RBM28: variants seen among roughly 807,000 people sequenced by gnomAD.
RBM28 encodes RNA-binding protein 28.
A neutral mutation model predicts 98.3 loss-of-function variants in RBM28; 78 were observed. The observed-to-expected ratio is 0.79, with a 90% CI of 0.66 to 0.96. The LOEUF is 0.96. Ranked by LOEUF, RBM28 falls within the 40% of genes least tolerant of loss-of-function variation. The probability of loss-of-function intolerance (pLI) is 0.00; values close to 1 mark genes in which losing one functional copy is unlikely to be tolerated. For missense variants in RBM28, 838 were observed against 913.0 expected, an observed-to-expected ratio of 0.92 and a Z score of 1.06; for synonymous variants, 306 against 330.9, an observed-to-expected ratio of 0.92 and a Z score of 0.82.
chr7:128,317,819 C>A, intron 15 of RBM28, 86 bp from the exon 16 acceptor site: 1 of 1,499,792 alleles, frequency 6.7e-7, no homozygotes, highest in South Asian at 1.1e-5. Flanking sequence ...ACACATCCTC[C>A]CCCAACCCAC....
Position 128,338,725 on chromosome 7 carries a change from C to T in RBM28, c.448+1G>A. 6.3e-7 allele frequency: 1 copy of T among 1,580,554 alleles called. No individual in the cohort carries two copies. The highest frequency in any genetic ancestry group is 1.3e-5 in the African/African-American group (1 of 74,260). On this transcript the variant is annotated splice_donor_variant, in intron 4 of 18. Transcript: ENST00000223073. LOFTEE classifies it high-confidence loss of function. The stretch of plus-strand genomic sequence containing the variant: ...CACACCAAGTGAAGGTTTATTAGTA[C>T]CTGGTTTCCTAGGGATATTTACTTC...
At position 128,317,643 on chromosome 7, in the gene RBM28, CATTTA is replaced by C; in HGVS notation, c.1788+11_1788+15del. 6.4e-7 allele frequency: 1 copy of C among 1,554,414 alleles called. No individual in the cohort carries two copies. The highest frequency in any genetic ancestry group is 1.1e-5 in the South Asian group (1 of 89,854). On this transcript the variant is annotated intron_variant, in intron 16 of 18. Transcript: ENST00000223073. ...AGTTTATGTCCTTAAAAATATGGAC[CATTTA>C]ATTTCTGTACCAAGCTGCGCTGGAT...
rs977996535 is a variant in RBM28, at chr7:128,302,107, A to G, written c.*8690T>C. On this transcript the variant is annotated 3_prime_UTR_variant, in exon 19 of 19. Transcript: ENST00000223073. ...CGATCATCCTCAGCACATGCCTGACACATAGTAGGTGCTCAGTAATTGTTA... is the reference window on the plus strand; with the variant it reads ...CGATCATCCTCAGCACATGCCTGACGCATAGTAGGTGCTCAGTAATTGTTA... The G allele has an allele frequency of 2.0e-5, 3 of 152,218 alleles. No individual in the cohort carries two copies. The East Asian group carries it at 5.8e-4, about 29-fold the overall frequency. 9.4% of individuals were successfully genotyped at this position (152,218 alleles called of 1,614,324 possible).
At chr7:128,314,153 G>A (rs911222495) in intron 17 of RBM28, among the ~76,000 whole-genome samples, 3 of 151,982 alleles carry the variant, frequency 2.0e-5, no homozygotes, top group Non-Finnish European at 4.4e-5. Context: ...TAGTAGAGAC[G>A]GGGTTTCAGC....
At chr7:128,342,083 C>T (rs1796737116) in intron 1 of RBM28, among the ~76,000 whole-genome samples, 1 of 151,842 alleles carries the variant, frequency 6.6e-6, no homozygotes, top group Admixed American at 6.6e-5. Flanking sequence ...TGCTTGAGCC[C>T]AGGAGTTTAA....
At chr7:128,315,712 G>GA (rs879497690) in intron 16 of RBM28, among the ~76,000 whole-genome samples, 29 of 150,776 alleles carry the variant, frequency 1.9e-4, no homozygotes, top group East Asian at 3.9e-4. Flanking sequence ...ATTTTTAAAA[G>GA]AAAAAAAAAT....
intron 10 of RBM28, among the ~76,000 whole-genome samples, chr7:128,328,873 A>C (rs1478217238): frequency 3.3e-5 from 5 of 152,162 alleles, no homozygotes; most frequent in African/African-American, 4.8e-5. Flanking sequence ...TTTGCCAAAA[A>C]TCACCCAGTC....
intron 17 of RBM28, among the ~76,000 whole-genome samples, chr7:128,314,108 G>A (rs180734196): frequency 0.024 from 3,586 of 152,080 alleles, 136 homozygotes; most frequent in African/African-American, 0.08. Context: ...GACTACAGGC[G>A]CCCGCCACCG....
Position 128,326,011 on chromosome 7 carries a change from G to A in RBM28, c.1130-120C>T, listed in dbSNP as rs1309116501. 5 of 809,094 alleles carry A rather than the reference G, an allele frequency of 6.2e-6. No homozygotes were observed. In the East Asian group the frequency reaches 1.0e-4, roughly 17 times the overall value. 50.1% of individuals were successfully genotyped at this position (809,094 alleles called of 1,614,324 possible). On this transcript the variant is annotated intron_variant, in intron 10 of 18. Transcript: ENST00000223073. ...GGGATAGGTGGCATCCATTTATTAAGTACAGCCATGTAGCCGGGTGCAGTG... is the reference window on the plus strand; with the variant it reads ...GGGATAGGTGGCATCCATTTATTAAATACAGCCATGTAGCCGGGTGCAGTG...
At chr7:128,343,643 C>G in intron 1 of RBM28, 33 bp downstream of exon 1, 1 of 1,552,412 alleles carries the variant, frequency 6.4e-7, no homozygotes. Context: ...TCGCAGGAAA[C>G]CCCAGCCCTA....
rs369440306 is a variant in RBM28, at chr7:128,323,473, T to C, written c.1404+54A>G. ...CACATCTAGCATTCGATAACTATTT[T>C]TGATTGATTTATAGGCCACGCAGAA... On this transcript the variant is annotated intron_variant, in intron 13 of 18. Coordinates refer to ENST00000223073, the MANE Select transcript of RBM28 (RefSeq NM_018077.3). 2.6e-4 allele frequency: 422 copies of C among 1,594,086 alleles called. 1 individual carries two copies. The African/African-American group carries it at 5.4e-3, about 20-fold the overall frequency.
rs1009658034 is a variant in RBM28 at position 128,305,429 on chromosome 7, G to C, written c.*5368C>G. 6.6e-6 allele frequency: 1 copy of C among 152,210 alleles called. No homozygotes were observed. The highest frequency in any genetic ancestry group is 1.5e-5 in the Non-Finnish European group (1 of 68,068). The allele number at this position is 152,210 out of a possible 1,614,324, so 9.4% of individuals were successfully genotyped here. A position where few individuals can be genotyped will look rare whatever the true frequency, so the allele number is the denominator to read the frequency against. On this transcript the variant is annotated 3_prime_UTR_variant, in exon 19 of 19. Transcript: ENST00000223073. ...TCAGATCCAGGGGAGAGGAAAAGGC[G>C]GCAGAGAACTAGGGAGACAGGTCGA...
In RBM28 at chr7:128,310,044, G is replaced by T. The variant is rs1795947555; in HGVS notation, c.*753C>A. 6.6e-6 allele frequency: 1 copy of T among 152,324 alleles called. No homozygotes were observed. Among genetic ancestry groups the T allele is most frequent in the Non-Finnish European group, 1.5e-5 (1 of 68,150 alleles). 9.4% of individuals were successfully genotyped at this position (152,324 alleles called of 1,614,324 possible). ...CATCTTAAGGGGCAGACTTAATGAG[G>T]ATCAAGTGTCCTCATTAAGGAGGAC... On this transcript the variant is annotated 3_prime_UTR_variant, in exon 19 of 19. Coordinates refer to ENST00000223073, the MANE Select transcript of RBM28 (RefSeq NM_018077.3).
Position 128,306,415 on chromosome 7 carries a change from G to T in RBM28, c.*4382C>A, listed in dbSNP as rs546758303. The T allele has an allele frequency of 2.0e-5, 3 of 152,334 alleles. No homozygotes were observed. Among genetic ancestry groups the T allele is most frequent in the African/African-American group, 7.2e-5 (3 of 41,572 alleles). The allele number at this position is 152,334 out of a possible 1,614,324, so 9.4% of individuals were successfully genotyped here. A position where few individuals can be genotyped will look rare whatever the true frequency, so the allele number is the denominator to read the frequency against. On this transcript the variant is annotated 3_prime_UTR_variant, in exon 19 of 19. Coordinates refer to ENST00000223073, the MANE Select transcript of RBM28 (RefSeq NM_018077.3). ...GAAATGACTCTGTTGTCCTTCACAAGCCCAGCTAGGCCCTGGAACAAATGG... is the reference window on the plus strand; with the variant it reads ...GAAATGACTCTGTTGTCCTTCACAATCCCAGCTAGGCCCTGGAACAAATGG...
chr7:128,337,508 C>G (rs548129099), intron 5 of RBM28, among the ~76,000 whole-genome samples: 1 of 151,522 alleles, frequency 6.6e-6, no homozygotes, highest in South Asian at 2.1e-4. Flanking sequence ...AACAGGCATT[C>G]TGGAATCATC....
Position 128,325,805 on chromosome 7 carries a change from A to G in RBM28, c.1203+13T>C. ...CCTCCTGTGTTATAAGGTAAAGGAA[A>G]TATCTTCCTTACCTCATTCTCTGGA... On this transcript the variant is annotated intron_variant, in intron 11 of 18. Transcript: ENST00000223073. 6.2e-7 allele frequency: 1 copy of G among 1,603,956 alleles called. No individual in the cohort carries two copies. Among genetic ancestry groups the G allele is most frequent in the Non-Finnish European group, 8.5e-7 (1 of 1,171,132 alleles).
chr7:128,335,093 A>C (rs1446829955), intron 8 of RBM28, among the ~76,000 whole-genome samples: 1 of 152,216 alleles, frequency 6.6e-6, no homozygotes, highest in Non-Finnish European at 1.5e-5. Context: ...GTATTTTGTT[A>C]TGTCAGTCCA....
chr7:128,340,978 T>C lies in RBM28; in HGVS notation c.119-1187A>G, dbSNP rs1796711087. ...CCATAGGACTCCACAAAGAATAATA[T>C]TAGGACCAAGGAGATGAAAACTACA... On this transcript the variant is annotated intron_variant, in intron 1 of 18. Coordinates refer to ENST00000223073, the MANE Select transcript of RBM28 (RefSeq NM_018077.3). 1.1e-5 allele frequency: 4 copies of C among 373,614 alleles called. No homozygotes were observed. In the Admixed American group the frequency reaches 1.5e-4, roughly 14 times the overall value. The allele number at this position is 373,614 out of a possible 1,614,324, so 23.1% of individuals were successfully genotyped here.
chr7:128,339,041 G>C lies in RBM28; in HGVS notation c.372+186C>G, dbSNP rs565976707. ...TTCTCAGTAGTAGTTTCCCCAAAAA[G>C]GAAAGCAGCTTCACACTTAGTGCCC... is the stretch of plus-strand genomic sequence containing the variant. On this transcript the variant is annotated intron_variant, in intron 3 of 18. Transcript: ENST00000223073. 5.9e-5 allele frequency among the ~76,000 whole-genome samples: 9 copies of C among 152,154 alleles called. No individual in the cohort carries two copies. The South Asian group carries it at 1.5e-3, about 25-fold the overall frequency.
Sources: gnomAD v4.1 joint callset for allele counts (sites outside exome capture counted in the v4.1 genomes callset) on GRCh38, gnomAD v4.1.1 for gene constraint, MANE v1.5 for transcripts, NCBI Gene and HGNC (gene_info 2026-07-23, HGNC 2026-07-21) for gene names.